Variants in PHLPP2 observed in about 807,000 individuals in gnomAD.
PHLPP2 encodes the protein PH domain and leucine rich repeat protein phosphatase 2, also known as PH domain leucine-rich repeat-containing protein phosphatase 2.
PHLPP2 carries 66 observed loss-of-function variants against 124.9 expected under a neutral mutation model. The ratio of observed to expected loss-of-function variants is 0.53; its 90% CI spans 0.43 to 0.65. The LOEUF is 0.65. Ranked by LOEUF, PHLPP2 falls within the 30% of genes least tolerant of loss-of-function variation. The probability of loss-of-function intolerance (pLI) is 0.00; values close to 1 mark genes in which losing one functional copy is unlikely to be tolerated. For missense variants in PHLPP2, 1,685 were observed against 1,600.4 expected (o/e 1.05, Z -0.90); for synonymous variants, 681 against 624.7 (o/e 1.09, Z -1.34).
chr16:71,647,540 T>A lies in PHLPP2; in HGVS notation c.*1350A>T, dbSNP rs780402209. ...GTCTAACCTGAGTGCTCCATCCATC[T>A]GTTCTCATTGGCCTCAGTCCGTTTC... is the stretch of plus-strand genomic sequence containing the variant. On this transcript the variant is annotated 3_prime_UTR_variant, in exon 19 of 19. Transcript: ENST00000568954. The A allele has an allele frequency of 1.3e-5, 2 of 152,252 alleles. No homozygotes were observed. Among genetic ancestry groups the A allele is most frequent in the African/African-American group, 2.4e-5 (1 of 41,456 alleles). The allele number at this position is 152,252 out of a possible 1,614,324, so 9.4% of individuals were successfully genotyped here. A position where few individuals can be genotyped will look rare whatever the true frequency, so the allele number is the denominator to read the frequency against.
At chr16:71,707,645 T>C (rs2045287084) in intron 2 of PHLPP2, among the ~76,000 whole-genome samples, 1 of 152,182 alleles carries the variant, frequency 6.6e-6, no homozygotes, top group South Asian at 2.1e-4. Flanking sequence ...AACTGTTCGA[T>C]ATGGTAGGAG....
chr16:71,663,935 T>C lies in PHLPP2; in HGVS notation c.1949A>G (p.His650Arg). ...GGTCTGTAACTGATTGTTTGCAAGGTGCAAGATTCGCAGGTGCAGGTGCCC... is the reference window on the plus strand; with the variant it reads ...GGTCTGTAACTGATTGTTTGCAAGGCGCAAGATTCGCAGGTGCAGGTGCCC... ...LVGHLHLRIL[H>R]LANNQLQTFP... is the part of the protein sequence containing the mutation. Residue 650 changes from histidine to arginine, a missense_variant, in exon 13 of 19, where the codon CAC becomes CGC. Coordinates refer to ENST00000568954, the MANE Select transcript of PHLPP2 (RefSeq NM_015020.3). The C allele has an allele frequency of 1.2e-6, 2 of 1,614,160 alleles. No homozygotes were observed. Among genetic ancestry groups the C allele is most frequent in the Non-Finnish European group, 1.7e-6 (2 of 1,179,970 alleles).
intron 1 of PHLPP2, chr16:71,715,212 T>C (rs2045354171): frequency 5.6e-6 from 1 of 179,154 alleles, no homozygotes; most frequent in Non-Finnish European, 1.2e-5. Context: ...TTTTATATAT[T>C]AGCCAGGCAT....
rs772626446 is a variant in PHLPP2 at position 71,669,270 on chromosome 16, C to G, written c.1628+5G>C. The G allele has an allele frequency of 8.2e-6, 13 of 1,586,422 alleles. No individual in the cohort carries two copies. Among genetic ancestry groups the G allele is most frequent in the Non-Finnish European group, 1.0e-5 (12 of 1,156,958 alleles). On this transcript the variant is annotated splice_donor_5th_base_variant and intron_variant, in intron 11 of 18. Transcript: ENST00000568954. Reference sequence around the variant, plus strand: ...TACATAATATATGCATCCAGGCACACATACCTCACGGGAACCTCTGTGAGA... The same window carrying G: ...TACATAATATATGCATCCAGGCACAGATACCTCACGGGAACCTCTGTGAGA...
rs1290206215 is a variant in PHLPP2, at chr16:71,676,552, G to A, written c.1366C>T (p.Leu456Phe). ...TGTTCCAAGCTGCATAAGGAGCTAA[G>A]ATCCAAGTCAGTCAGTCGGTTGTCC... The part of the protein sequence containing the change: ...LRDNRLTDLD[L>F]SSLCSLEQLH... Residue 456 changes from leucine to phenylalanine, a missense_variant, in exon 9 of 19, where the codon CTT becomes TTT. Transcript: ENST00000568954. 1.2e-6 allele frequency: 2 copies of A among 1,614,076 alleles called. No homozygotes were observed. The highest frequency in any genetic ancestry group is 2.2e-5 in the South Asian group (2 of 91,084).
chr16:71,654,849 C>T (rs376882443), intron 17 of PHLPP2, among the ~76,000 whole-genome samples: 380 of 152,290 alleles, frequency 2.5e-3, no homozygotes, highest in Non-Finnish European at 4.0e-3. Context: ...CAGAAAGAGG[C>T]ATTCTAAACG....
intron 2 of PHLPP2, among the ~76,000 whole-genome samples, chr16:71,712,557 G>A (rs532072800): frequency 1.3e-5 from 2 of 152,238 alleles, no homozygotes; most frequent in Admixed American, 1.3e-4. Flanking sequence ...ATAGGTCAAG[G>A]CTTTCCACCT....
intron 4 of PHLPP2, among the ~76,000 whole-genome samples, chr16:71,689,673 C>T (rs1449094036): frequency 6.6e-6 from 1 of 152,092 alleles, no homozygotes; most frequent in Non-Finnish European, 1.5e-5. Flanking sequence ...GCTAGGATTA[C>T]AGGCACGAGC....
intron 3 of PHLPP2, among the ~76,000 whole-genome samples, chr16:71,694,776 A>AT (rs2045151994): frequency 6.6e-6 from 1 of 151,828 alleles, no homozygotes; most frequent in Non-Finnish European, 1.5e-5. Context: ...AGAGACCATC[A>AT]TTTTTTAAAT....
chr16:71,692,165 C>G (rs1291389437), intron 3 of PHLPP2, among the ~76,000 whole-genome samples: 1 of 151,922 alleles, frequency 6.6e-6, no homozygotes, highest in Non-Finnish European at 1.5e-5. Flanking sequence ...CGCCTCCCAG[C>G]TTCATGCCAT....
In PHLPP2 at chr16:71,723,733, C is replaced by CCGCTCGCTCGCT. The variant is rs758750389; in HGVS notation, c.-7+584_-7+595dup. 12 of 1,067,134 alleles carry CCGCTCGCTCGCT rather than the reference C, an allele frequency of 1.1e-5. No homozygotes were observed. In the African/African-American group the frequency reaches 1.7e-4, roughly 15 times the overall value. 66.1% of individuals were successfully genotyped at this position (1,067,134 alleles called of 1,614,324 possible). On this transcript the variant is annotated intron_variant, in intron 1 of 18. Coordinates refer to ENST00000568954, the MANE Select transcript of PHLPP2 (RefSeq NM_015020.3). ...CTCCCTAGTCCGCTTGCCCGCTCGC[C>CCGCTCGCTCGCT]CGCTCGCTCGCTCGCTGGTCCATCC...
rs958371869 is a variant in PHLPP2, at chr16:71,648,794, C to A, written c.*96G>T. Reference sequence around the variant, plus strand: ...TCAAAACAAACAAACAAAAAAAAAACGAACAAACAAAAAGAAATGTAGAGG... The same window carrying A: ...TCAAAACAAACAAACAAAAAAAAAAAGAACAAACAAAAAGAAATGTAGAGG... On this transcript the variant is annotated 3_prime_UTR_variant, in exon 19 of 19. Transcript: ENST00000568954. 3.0e-5 allele frequency: 27 copies of A among 900,354 alleles called. No homozygotes were observed. The highest frequency in any genetic ancestry group is 1.8e-4 in the Admixed American group (8 of 43,744). The allele number at this position is 900,354 out of a possible 1,614,324, so 55.8% of individuals were successfully genotyped here. A position where few individuals can be genotyped will look rare whatever the true frequency, so the allele number is the denominator to read the frequency against.
At position 71,678,948 on chromosome 16, in the gene PHLPP2, T is replaced by C; in HGVS notation, c.1075A>G (p.Thr359Ala). 1.2e-6 allele frequency: 2 copies of C among 1,612,056 alleles called. No individual in the cohort carries two copies. The highest frequency in any genetic ancestry group is 1.7e-6 in the Non-Finnish European group (2 of 1,178,466). The change falls in exon 8 of 19, where the codon ACT becomes GCT. Residue 359 changes from threonine to alanine, a missense_variant. By Grantham distance (58) the Thr-to-Ala change is moderately conservative. Transcript: ENST00000568954. ...AGATTTCCCAATTCTTCAGGTAAAG[T>C]AGTCAGAAAGTTGCCATCAAGACAG... ...TLCLDGNFLT[T>A]LPEELGNLQQ...
intron 17 of PHLPP2, 128 bp downstream of exon 17, chr16:71,655,112 T>G (rs1481488109): frequency 1.5e-6 from 1 of 680,364 alleles, no homozygotes; most frequent in Non-Finnish European, 2.6e-6. Context: ...AGAATGATCA[T>G]AGAAGACAAC....
chr16:71,651,407 A>C (rs2044695453), intron 18 of PHLPP2, among the ~76,000 whole-genome samples: 1 of 152,002 alleles, frequency 6.6e-6, no homozygotes, highest in South Asian at 2.1e-4. Context: ...TCAAACAAAA[A>C]GTTATCTGAA....
intron 11 of PHLPP2, among the ~76,000 whole-genome samples, chr16:71,667,559 G>A (rs903704700): frequency 3.9e-5 from 6 of 152,084 alleles, no homozygotes; most frequent in African/African-American, 1.4e-4. Flanking sequence ...GTGAATTAAT[G>A]AAGGCAAACA....
At chr16:71,705,116 CAG>C (rs2045264123) in intron 2 of PHLPP2, among the ~76,000 whole-genome samples, 1 of 152,148 alleles carries the variant, frequency 6.6e-6, no homozygotes, top group South Asian at 2.1e-4. Flanking sequence ...CAGAACTGTT[CAG>C]AGAGACCTGG....
At chr16:71,715,037 G>C in intron 1 of PHLPP2, 1 of 522,566 alleles carries the variant, frequency 1.9e-6, no homozygotes, top group Non-Finnish European at 3.3e-6. Flanking sequence ...TCTTTTCCTT[G>C]TGTTTTCAGA....
chr16:71,721,994 A>G (rs149643403), intron 1 of PHLPP2, among the ~76,000 whole-genome samples: 128 of 152,306 alleles, frequency 8.4e-4, no homozygotes, highest in East Asian at 5.2e-3. Context: ...ATTAGGTATA[A>G]AAGAGTTACA....
Sources: gnomAD v4.1 joint callset for allele counts (sites outside exome capture counted in the v4.1 genomes callset) on GRCh38, gnomAD v4.1.1 for gene constraint, MANE v1.5 for transcripts, NCBI Gene and HGNC (gene_info 2026-07-23, HGNC 2026-07-21) for gene names.